Variants in ADGRV1 observed in about 807,000 individuals in gnomAD.
The protein encoded by ADGRV1 is G-protein coupled receptor 98.
A neutral mutation model predicts 596.2 loss-of-function variants in ADGRV1; 359 were observed. The ratio of observed to expected loss-of-function variants is 0.60; its 90% CI spans 0.55 to 0.66. The LOEUF (loss-of-function observed/expected upper bound fraction) is 0.66, where lower values mean the gene tolerates loss of function less well. Ranked by LOEUF, ADGRV1 falls within the 30% of genes least tolerant of loss-of-function variation. ADGRV1 has a pLI of 0.00. For missense variants in ADGRV1, 7,274 were observed against 7,575.6 expected, an observed-to-expected ratio of 0.96 and a Z score of 1.48; for synonymous variants, 2,681 against 2,679.2, an observed-to-expected ratio of 1.00 and a Z score of -0.02.
intron 50 of ADGRV1, among the ~76,000 whole-genome samples, chr5:90,734,883 T>C (rs1580931015): frequency 6.6e-6 from 1 of 152,220 alleles, no homozygotes; most frequent in South Asian, 2.1e-4. Context: ...TTGGGTTGTT[T>C]CCTTGCTATT....
rs868254965 is a variant in ADGRV1 at position 91,079,244 on chromosome 5, G to A, written c.18310+6640G>A. On this transcript the variant is annotated intron_variant, in intron 86 of 89. Coordinates refer to ENST00000405460, the MANE Select transcript of ADGRV1 (RefSeq NM_032119.4). ...GCCTTGGGGCCTAAGGAAAACCCCA[G>A]CTTCTCACTCAACCGTGAACAGACA... is the stretch of plus-strand genomic sequence containing the variant. Among the ~76,000 whole-genome samples the A allele has an allele frequency of 1.1e-4, 16 of 152,280 alleles. 1 individual carries two copies. Among genetic ancestry groups the A allele is most frequent in the Middle Eastern group, 3.4e-3 (1 of 294 alleles).
intron 87 of ADGRV1, among the ~76,000 whole-genome samples, chr5:91,126,670 A>G (rs893057452): frequency 2.6e-5 from 4 of 152,178 alleles, no homozygotes; most frequent in Non-Finnish European, 5.9e-5. Flanking sequence ...TTATTTTGCT[A>G]TGCTTTAAAA....
chr5:91,035,363 C>T (rs573201377), intron 85 of ADGRV1, among the ~76,000 whole-genome samples: 5 of 152,130 alleles, frequency 3.3e-5, no homozygotes, highest in African/African-American at 1.2e-4. Flanking sequence ...TTTTGCTGAA[C>T]AAATTATTTC....
chr5:90,853,530 T>A lies in ADGRV1; in HGVS notation c.17451T>A (p.Asn5817Lys), dbSNP rs375958356. Residue 5817 changes from asparagine (N) to lysine (K), a missense_variant, in exon 80 of 90, where the codon AAT becomes AAA. Around this residue, in one of 5 missense-constraint regions of ADGRV1, gnomAD observed 1,874 missense variants for 1,970.2 expected, o/e 0.95. Coordinates refer to ENST00000405460, the MANE Select transcript of ADGRV1 (RefSeq NM_032119.4). ...ISGNNLPTLKNKVLSLSVKGQ... is the reference protein window; with the variant it reads ...ISGNNLPTLKKKVLSLSVKGQ... ...GAAACAATCTTCCTACCCTAAAAAA[T>A]AAGGTAATCTTTCATTCAAAACACT... is the stretch of plus-strand genomic sequence containing the variant. 6.2e-7 allele frequency: 1 copy of A among 1,608,204 alleles called. No homozygotes were observed. Among genetic ancestry groups the A allele is most frequent in the African/African-American group, 1.3e-5 (1 of 74,830 alleles).
chr5:90,643,942 T>C lies in ADGRV1; in HGVS notation c.2693T>C (p.Ile898Thr). Residue 898 changes from isoleucine to threonine, a missense_variant, in exon 14 of 90, where the codon ATT (isoleucine) becomes ACT (threonine). Ile to Thr is a moderately conservative substitution (Grantham distance 89). Transcript: ENST00000405460. ...ATAGAATTTGTTTCTGATGGTCTAATTGTGATGATAAATGAAAGCAAAGGA... is the reference window on the plus strand; with the variant it reads ...ATAGAATTTGTTTCTGATGGTCTAACTGTGATGATAAATGAAAGCAAAGGA... Reference protein sequence around the residue: ...GIIEFVSDGLIVMINESKGDA... With the variant: ...GIIEFVSDGLTVMINESKGDA... The C allele has an allele frequency of 6.2e-7, 1 of 1,611,988 alleles. No homozygotes were observed. The highest frequency in any genetic ancestry group is 8.5e-7 in the Non-Finnish European group (1 of 1,178,448).
In ADGRV1 at chr5:90,810,670, TC is replaced by T. The variant is rs1286940284; in HGVS notation, c.15414del (p.Glu5139ArgfsTer6). 2 of 1,613,774 alleles carry T rather than the reference TC, an allele frequency of 1.2e-6. No homozygotes were observed. The highest frequency in any genetic ancestry group is 1.7e-5 in the Admixed American group (1 of 59,990). ...NDDLAGMDISFPETTVAVAVD... is the reference protein window; with the variant it reads ...NDDLAGMDISXPETTVAVAVD... The stretch of plus-strand genomic sequence containing the variant: ...GACCTGGCAGGAATGGATATTTCCT[TC>T]CCCGAGACAACTGTGGCTGTAGCAG... On this transcript the variant is annotated frameshift_variant, in exon 74 of 90. Transcript: ENST00000405460. LOFTEE classifies it high-confidence loss of function.
intron 77 of ADGRV1, among the ~76,000 whole-genome samples, chr5:90,830,181 G>A (rs956809558): frequency 7.9e-5 from 12 of 152,086 alleles, no homozygotes; most frequent in South Asian, 2.1e-4. Context: ...ATATTAAGCC[G>A]TTCTGAAAGT....
At chr5:91,031,092 T>G in intron 85 of ADGRV1, 1 of 1,416,300 alleles carries the variant, frequency 7.1e-7, no homozygotes, top group Non-Finnish European at 9.8e-7. Flanking sequence ...AGTAGCTCAG[T>G]GTTTTGGGAT....
intron 1 of ADGRV1, among the ~76,000 whole-genome samples, chr5:90,604,951 T>A (rs1373411392): frequency 6.6e-6 from 1 of 152,202 alleles, no homozygotes; most frequent in Non-Finnish European, 1.5e-5. Context: ...CACAGAGCTC[T>A]GGAATTAAAG....
Position 90,595,652 on chromosome 5 carries a change from G to A in ADGRV1, c.23-19183G>A, listed in dbSNP as rs1214149336. On this transcript the variant is annotated intron_variant, in intron 1 of 89. Transcript: ENST00000405460. Reference sequence around the variant, plus strand: ...TCCCTCCCGGACGGGGCGGCTGGCCGGGCGGGGAACTGACCCCCCCACCTC... The same window carrying A: ...TCCCTCCCGGACGGGGCGGCTGGCCAGGCGGGGAACTGACCCCCCCACCTC... Among the ~76,000 whole-genome samples the A allele has an allele frequency of 2.5e-3, 312 of 126,856 alleles. 10 individuals carry two copies. The highest frequency in any genetic ancestry group is 9.7e-3 in the African/African-American group (292 of 30,242). 83.2% of individuals were successfully genotyped at this position (126,856 alleles called of 152,430 possible).
At chr5:90,995,624 T>C (rs576709736) in intron 85 of ADGRV1, among the ~76,000 whole-genome samples, 7 of 152,224 alleles carry the variant, frequency 4.6e-5, no homozygotes, top group African/African-American at 1.7e-4. Flanking sequence ...GGAAGCAACT[T>C]TGAAATGGGG....
intron 9 of ADGRV1, among the ~76,000 whole-genome samples, chr5:90,634,225 C>T (rs974164741): frequency 2.6e-5 from 4 of 152,076 alleles, no homozygotes; most frequent in East Asian, 1.9e-4. Context: ...ATATTTAAGA[C>T]GTTGAATGTT....
At chr5:90,849,027 A>T (rs1766210576) in intron 79 of ADGRV1, among the ~76,000 whole-genome samples, 1 of 152,228 alleles carries the variant, frequency 6.6e-6, no homozygotes, top group African/African-American at 2.4e-5. Flanking sequence ...TCAACAATAT[A>T]TTCCACTTAT....
rs777639841 is a variant in ADGRV1 at position 90,685,763 on chromosome 5, G to A, written c.6275-17G>A. On this transcript the variant is annotated splice_polypyrimidine_tract_variant and intron_variant, in intron 28 of 89. Transcript: ENST00000405460. ...TTGATAGCTTTCTGTGTTCTGTGTG[G>A]ATCTTCTGTCTTTCAGTTCCAAATT... is the stretch of plus-strand genomic sequence containing the variant. The A allele has an allele frequency of 6.3e-6, 10 of 1,588,794 alleles. No homozygotes were observed. The Admixed American group carries it at 1.5e-4, about 24-fold the overall frequency.
intron 83 of ADGRV1, among the ~76,000 whole-genome samples, chr5:90,914,444 G>A (rs1282965430): frequency 6.6e-6 from 1 of 152,090 alleles, no homozygotes; most frequent in Non-Finnish European, 1.5e-5. Context: ...ATGAAACTGA[G>A]TTTAAATAAA....
chr5:90,725,038 A>G lies in ADGRV1; in HGVS notation c.9907-48A>G, dbSNP rs752906951. On this transcript the variant is annotated intron_variant, in intron 46 of 89. Coordinates refer to ENST00000405460, the MANE Select transcript of ADGRV1 (RefSeq NM_032119.4). ...GTACAAAAATAAAATGTGCAGATAA[A>G]TTTTAGATGTATAATGAATAACTGT... 4.2e-5 allele frequency: 64 copies of G among 1,539,602 alleles called. 1 individual carries two copies. In the Admixed American group the frequency reaches 1.3e-3, roughly 31 times the overall value.
At chr5:90,673,334 A>G (rs1174553163) in intron 22 of ADGRV1, among the ~76,000 whole-genome samples, 1 of 152,104 alleles carries the variant, frequency 6.6e-6, no homozygotes, top group East Asian at 1.9e-4. Flanking sequence ...GGAAGTCTCT[A>G]CCTGTTGTTG....
At chr5:90,743,540 C>T (rs949569018) in intron 50 of ADGRV1, among the ~76,000 whole-genome samples, 1 of 146,396 alleles carries the variant, frequency 6.8e-6, no homozygotes, top group Non-Finnish European at 1.5e-5. Context: ...GGCACGATCT[C>T]GGCTCACTGC....
intron 53 of ADGRV1, 112 bp downstream of exon 53, chr5:90,750,809 T>G: frequency 1.4e-6 from 1 of 707,558 alleles, no homozygotes; most frequent in Non-Finnish European, 2.4e-6. Context: ...ATATCAACAC[T>G]GAATTCCTAC....
Sources: allele counts gnomAD v4.1 joint callset (sites outside exome capture counted in the v4.1 genomes callset), GRCh38; gene constraint gnomAD v4.1.1; regional missense constraint gnomAD v4.1.1; transcripts MANE v1.5; gene names NCBI Gene and HGNC (gene_info 2026-07-23, HGNC 2026-07-21).